The following PDE10A variants were observed in gnomAD, a reference collection of about 807,000 sequenced individuals.
PDE10A encodes the protein cAMP and cAMP-inhibited cGMP 3',5'-cyclic phosphodiesterase 10A.
In PDE10A, 39 loss-of-function variants were observed where a neutral mutation model predicts 97.7. That is an observed-to-expected ratio of 0.40 (90% CI 0.31 to 0.52). PDE10A has a LOEUF of 0.52. PDE10A is among the 20% of genes least tolerant of loss of function. The probability of loss-of-function intolerance (pLI) is 0.56; values close to 1 mark genes in which losing one functional copy is unlikely to be tolerated. For missense variants in PDE10A, 731 were observed against 1,047.8 expected, an observed-to-expected ratio of 0.70 and a Z score of 4.17; for synonymous variants, 371 against 376.8, an observed-to-expected ratio of 0.98 and a Z score of 0.18.
chr6:165,662,101 G>A lies in PDE10A; in HGVS notation c.711C>T (p.Gly237=), dbSNP rs1314525357. ...RAGSPGFPGA[G]PGGGGQTPRR... ...GCGGAGTTTGGCCGCCGCCGCCTGG[G>A]CCGGCGCCGGGGAAGCCGGGGGAGC... The change falls in exon 1 of 22, where the codon GGC becomes GGT. Residue 237 remains glycine, a synonymous_variant. Coordinates refer to ENST00000539869, the MANE Select transcript of PDE10A (RefSeq NM_001385079.1). 5.4e-6 allele frequency: 6 copies of A among 1,112,352 alleles called. No individual in the cohort carries two copies. The highest frequency in any genetic ancestry group is 5.3e-5 in the Admixed American group (1 of 18,914). The allele number at this position is 1,112,352 out of a possible 1,614,324, so 68.9% of individuals were successfully genotyped here.
intron 18 of PDE10A, among the ~76,000 whole-genome samples, chr6:165,361,172 T>C (rs1300209434): frequency 1.3e-5 from 2 of 152,124 alleles, no homozygotes; most frequent in Non-Finnish European, 2.9e-5. Flanking sequence ...GGTTTCAAGA[T>C]ACAAGATAAG....
chr6:165,742,864 C>T (rs1177343096), intron 1 of PDE10A, among the ~76,000 whole-genome samples: 2 of 152,224 alleles, frequency 1.3e-5, no homozygotes, highest in Non-Finnish European at 2.9e-5. Context: ...GCACGCAACA[C>T]TGCCCGCTTG....
intron 2 of PDE10A, among the ~76,000 whole-genome samples, chr6:165,538,353 C>A (rs187992605): frequency 1.2e-4 from 18 of 152,138 alleles, no homozygotes; most frequent in Admixed American, 7.2e-4. Context: ...GATAGTGATA[C>A]GGTCGGCTAT....
chr6:165,932,437 G>A (rs914937931), intron 1 of PDE10A, among the ~76,000 whole-genome samples: 2 of 152,064 alleles, frequency 1.3e-5, no homozygotes, highest in African/African-American at 4.8e-5. Flanking sequence ...CTGAGTTCAA[G>A]CGATTCTCCT....
chr6:165,403,658 A>G (rs896970283), intron 13 of PDE10A, among the ~76,000 whole-genome samples: 6 of 152,218 alleles, frequency 3.9e-5, no homozygotes, highest in Non-Finnish European at 7.4e-5. Flanking sequence ...ATAGCATTAA[A>G]TAATATCATT....
rs1781420975 is a variant in PDE10A at position 165,332,921 on chromosome 6, T to C, written c.*104A>G. 9.5e-6 allele frequency: 7 copies of C among 735,832 alleles called. No individual in the cohort carries two copies. In the South Asian group the frequency reaches 1.1e-4, roughly 11 times the overall value. 45.6% of individuals were successfully genotyped at this position (735,832 alleles called of 1,614,324 possible). ...TTCTTGAAGAGGTTTGCACCCCAGT[T>C]ACCAGGTGCAGGTTCCCCCCACCCC... On this transcript the variant is annotated 3_prime_UTR_variant, in exon 22 of 22. Transcript: ENST00000539869.
chr6:165,640,236 T>C (rs1328294348), intron 1 of PDE10A, among the ~76,000 whole-genome samples: 1 of 152,214 alleles, frequency 6.6e-6, no homozygotes, highest in East Asian at 1.9e-4. Flanking sequence ...GGTTTCTATT[T>C]ACCAGTGTTT....
chr6:165,409,888 G>T (rs1583223124), intron 13 of PDE10A, among the ~76,000 whole-genome samples: 8 of 140,510 alleles, frequency 5.7e-5, no homozygotes, highest in Admixed American at 1.4e-4. Flanking sequence ...CTTTTCAGAA[G>T]TTTTTTTTTT....
intron 1 of PDE10A, among the ~76,000 whole-genome samples, chr6:165,830,049 A>G (rs150110124): frequency 1.7e-3 from 252 of 152,360 alleles, no homozygotes; most frequent in Non-Finnish European, 2.9e-3. Flanking sequence ...ATATTCTGGA[A>G]ATCTTATTGA....
intron 1 of PDE10A, among the ~76,000 whole-genome samples, chr6:165,630,278 G>A (rs982492658): frequency 6.6e-6 from 1 of 152,156 alleles, no homozygotes; most frequent in Non-Finnish European, 1.5e-5. Context: ...AGCCAGGGAA[G>A]CGGAGATTGA....
chr6:165,811,465 T>TA (rs1388859549), intron 1 of PDE10A, among the ~76,000 whole-genome samples: 1 of 152,198 alleles, frequency 6.6e-6, no homozygotes, highest in East Asian at 1.9e-4. Flanking sequence ...TTCCCCTGAA[T>TA]AAACAGCATT....
intron 1 of PDE10A, among the ~76,000 whole-genome samples, chr6:165,877,655 T>C (rs1273225500): frequency 1.3e-5 from 2 of 152,202 alleles, no homozygotes; most frequent in Non-Finnish European, 2.9e-5. Context: ...TATTTATAAA[T>C]AATGGGATAC....
intron 1 of PDE10A, among the ~76,000 whole-genome samples, chr6:165,958,597 GAA>G (rs1784243851): frequency 8.0e-6 from 1 of 125,118 alleles, no homozygotes; most frequent in South Asian, 2.6e-4. Context: ...AAGAGAGAAA[GAA>G]AGAGAGAAAG....
At chr6:165,354,160 T>TA (rs1782875150) in intron 18 of PDE10A, among the ~76,000 whole-genome samples, 3 of 152,268 alleles carry the variant, frequency 2.0e-5, no homozygotes, top group African/African-American at 7.2e-5. Context: ...GAATTGGTAG[T>TA]AAAGGCATGA....
intron 13 of PDE10A, 22 bp from the exon 14 acceptor site, chr6:165,396,481 A>T (rs764333211): frequency 1.9e-6 from 3 of 1,579,262 alleles, no homozygotes; most frequent in African/African-American, 1.4e-5. Context: ...ATCCAAAAAA[A>T]AAACCCCCAA....
chr6:165,663,470 T>C (rs1790400880), upstream of PDE10A, among the ~76,000 whole-genome samples: 2 of 152,220 alleles, frequency 1.3e-5, no homozygotes, highest in Non-Finnish European at 2.9e-5. Flanking sequence ...GTCCTGCAGC[T>C]GCTCCAGCTG....
chr6:165,411,850 G>A (rs891965745), intron 13 of PDE10A, among the ~76,000 whole-genome samples: 1 of 152,082 alleles, frequency 6.6e-6, no homozygotes, highest in East Asian at 1.9e-4. Flanking sequence ...TGGGGAATAT[G>A]GATAAAGGTA....
chr6:165,977,563 T>C lies in PDE10A; in HGVS notation c.-615+9966A>G, dbSNP rs529461182. ...CTATTATGGGTAAAATCTAGTTCAT[T>C]TGTCAAGATTCTATATCTGAATTTT... is the stretch of plus-strand genomic sequence containing the variant. On this transcript the variant is annotated intron_variant, in intron 1 of 19. Coordinates refer to the PDE10A transcript ENST00000366882. Among the ~76,000 whole-genome samples, 9 of 152,292 alleles carry C rather than the reference T, an allele frequency of 5.9e-5. 1 individual carries two copies. Among genetic ancestry groups the C allele is most frequent in the African/African-American group, 2.2e-4 (9 of 41,564 alleles).
intron 1 of PDE10A, among the ~76,000 whole-genome samples, chr6:165,656,254 T>TCACACA (rs1314796190): frequency 9.9e-6 from 1 of 100,998 alleles, no homozygotes; most frequent in African/African-American, 3.7e-5. Context: ...TCTCTCTCTC[T>TCACACA]CTCTCACACA....
Sources: allele counts gnomAD v4.1 joint callset (sites outside exome capture counted in the v4.1 genomes callset), GRCh38; gene constraint gnomAD v4.1.1; transcripts MANE v1.5; gene names NCBI Gene and HGNC (gene_info 2026-07-23, HGNC 2026-07-21).